The following SEM1 variants were observed in gnomAD, a reference collection of about 807,000 sequenced individuals.
SEM1 encodes 26S proteasome complex subunit SEM1.
Under a neutral mutation model 12.7 loss-of-function variants are expected in SEM1, and 3 were observed. The observed-to-expected ratio is 0.24, with a 90% confidence interval of 0.11 to 0.61. The LOEUF is 0.61. Ranked by LOEUF, SEM1 falls within the 20% of genes least tolerant of loss-of-function variation. The pLI, the probability that SEM1 is intolerant of heterozygous loss-of-function variation, is 0.88. For missense variants in SEM1, 59 were observed against 81.3 expected, an observed-to-expected ratio of 0.73 and a Z score of 1.06; for synonymous variants, 30 against 27.8, an observed-to-expected ratio of 1.08 and a Z score of -0.25.
chr7:96,660,205 G>A (rs1788950965), intron 2 of SEM1, among the ~76,000 whole-genome samples: 1 of 152,098 alleles, frequency 6.6e-6, no homozygotes, highest in Non-Finnish European at 1.5e-5. Flanking sequence ...TGGCTAGAGT[G>A]TGTCCCAACA....
intron 2 of SEM1, among the ~76,000 whole-genome samples, chr7:96,570,154 C>T (rs1158966837): frequency 6.6e-6 from 1 of 151,432 alleles, no homozygotes; most frequent in East Asian, 1.9e-4. Flanking sequence ...AGAGTATAAG[C>T]ATTTCCTTTT....
At chr7:96,489,299 T>G (rs1802904336) in intron 1 of SEM1, among the ~76,000 whole-genome samples, 1 of 152,148 alleles carries the variant, frequency 6.6e-6, no homozygotes, top group East Asian at 1.9e-4. Flanking sequence ...TTCTCAAACA[T>G]TAGTGGCATC....
chr7:96,652,366 A>G (rs1809027552), intron 2 of SEM1, among the ~76,000 whole-genome samples: 1 of 152,124 alleles, frequency 6.6e-6, no homozygotes, highest in Non-Finnish European at 1.5e-5. Context: ...TTTGAATTCT[A>G]TATATATTGT....
intron 2 of SEM1, among the ~76,000 whole-genome samples, chr7:96,570,847 A>G (rs1805999823): frequency 6.6e-6 from 1 of 152,026 alleles, no homozygotes; most frequent in Admixed American, 6.5e-5. Context: ...ATTTCTCCAC[A>G]TCCTCTCCGG....
chr7:96,658,944 C>T (rs1809275235), intron 2 of SEM1, among the ~76,000 whole-genome samples: 1 of 151,952 alleles, frequency 6.6e-6, no homozygotes, highest in South Asian at 2.1e-4. Flanking sequence ...GAAGGGGGCA[C>T]CTTTTTTTCT....
At chr7:96,609,065 AT>A (rs1807467927) in intron 2 of SEM1, among the ~76,000 whole-genome samples, 1 of 152,196 alleles carries the variant, frequency 6.6e-6, no homozygotes, top group African/African-American at 2.4e-5. Flanking sequence ...TATAAGCAAT[AT>A]GTGAGGGTTC....
At chr7:96,579,776 C>A (rs1223394614) in intron 2 of SEM1, among the ~76,000 whole-genome samples, 1 of 152,082 alleles carries the variant, frequency 6.6e-6, no homozygotes, top group Non-Finnish European at 1.5e-5. Context: ...TAAATTAGAA[C>A]TATATACACC....
chr7:96,698,791 T>G (rs1399807030), intron 1 of SEM1, among the ~76,000 whole-genome samples: 2 of 152,184 alleles, frequency 1.3e-5, no homozygotes, highest in Admixed American at 1.3e-4. Context: ...GTAATGGGAT[T>G]GCTGGGTCAA....
At chr7:96,663,676 G>T (rs1789079641) in intron 2 of SEM1, among the ~76,000 whole-genome samples, 1 of 152,132 alleles carries the variant, frequency 6.6e-6, no homozygotes, top group Non-Finnish European at 1.5e-5. Flanking sequence ...CTTACAGTAG[G>T]TTCTCTCTGA....
chr7:96,674,210 C>G (rs1488936924), intron 2 of SEM1, among the ~76,000 whole-genome samples: 1 of 152,128 alleles, frequency 6.6e-6, no homozygotes, highest in Non-Finnish European at 1.5e-5. Context: ...CACCACTAGA[C>G]TGTTAAGATC....
intron 1 of SEM1, among the ~76,000 whole-genome samples, chr7:96,699,465 C>T (rs1790203082): frequency 6.6e-6 from 1 of 152,208 alleles, no homozygotes; most frequent in African/African-American, 2.4e-5. Context: ...AAAACCACTT[C>T]TCATCTAGTT....
chr7:96,581,563 G>C (rs1806409528), intron 2 of SEM1, among the ~76,000 whole-genome samples: 1 of 152,164 alleles, frequency 6.6e-6, no homozygotes, highest in Non-Finnish European at 1.5e-5. Context: ...ACCTTGGGCA[G>C]TATGGCCATT....
intron 2 of SEM1, among the ~76,000 whole-genome samples, chr7:96,541,891 A>C (rs536552313): frequency 1.4e-5 from 2 of 142,912 alleles, no homozygotes; most frequent in Non-Finnish European, 3.0e-5. Context: ...AAATGGCTGT[A>C]GGTGTATGGC....
chr7:96,517,538 A>C (rs565709208), intron 2 of SEM1, among the ~76,000 whole-genome samples: 5 of 152,310 alleles, frequency 3.3e-5, no homozygotes, highest in Admixed American at 1.3e-4. Flanking sequence ...TAAAAATTTT[A>C]GCACATATGT....
intron 1 of SEM1, 144 bp downstream of exon 1, chr7:96,709,544 G>C (rs1009492702): frequency 9.4e-6 from 7 of 745,996 alleles, no homozygotes; most frequent in Non-Finnish European, 1.6e-5. Flanking sequence ...CCACTGAGGG[G>C]TGAGCGTTAG....
intron 2 of SEM1, among the ~76,000 whole-genome samples, chr7:96,692,272 A>C (rs1789951707): frequency 6.6e-6 from 1 of 152,198 alleles, no homozygotes; most frequent in African/African-American, 2.4e-5. Flanking sequence ...TTAAGAGAAA[A>C]GTGCTAATGA....
At chr7:96,524,660 AT>A (rs1804393408) in intron 2 of SEM1, among the ~76,000 whole-genome samples, 1 of 151,982 alleles carries the variant, frequency 6.6e-6, no homozygotes, top group South Asian at 2.1e-4. Context: ...AACCCATTAT[AT>A]TAAAAAATTA....
intron 1 of SEM1, among the ~76,000 whole-genome samples, chr7:96,492,758 C>A (rs1803067297): frequency 1.1e-5 from 1 of 94,664 alleles, no homozygotes; most frequent in Admixed American, 1.1e-4. Context: ...GAATAATATT[C>A]ATGTGTGTGT....
At chr7:96,664,726 C>T (rs1789120713) in intron 2 of SEM1, among the ~76,000 whole-genome samples, 1 of 152,132 alleles carries the variant, frequency 6.6e-6, no homozygotes, top group Non-Finnish European at 1.5e-5. Context: ...CTTACACACA[C>T]ACCAGGATAC....
Sources: allele counts gnomAD v4.1 joint callset (sites outside exome capture counted in the v4.1 genomes callset), GRCh38; gene constraint gnomAD v4.1.1; transcripts MANE v1.5; gene names NCBI Gene and HGNC (gene_info 2026-07-23, HGNC 2026-07-21).